The following PRKAR1B variants were observed in gnomAD, a reference collection of about 807,000 sequenced individuals.
PRKAR1B encodes the protein protein kinase cAMP-dependent type I regulatory subunit beta.
Under a neutral mutation model 46.5 loss-of-function variants are expected in PRKAR1B, and 22 were observed. The ratio of observed to expected loss-of-function variants is 0.47; its 90% confidence interval spans 0.34 to 0.68. The LOEUF is 0.68. Among genes scored for constraint, PRKAR1B ranks in the 30% least tolerant of loss-of-function variants. PRKAR1B has a pLI of 0.01. For missense variants in PRKAR1B, 445 were observed against 535.6 expected (o/e 0.83, Z 1.67); for synonymous variants, 259 against 217.7 (o/e 1.19, Z -1.67).
intron 4 of PRKAR1B, among the ~76,000 whole-genome samples, chr7:626,522 A>C (rs1352056521): frequency 6.6e-6 from 1 of 152,132 alleles, no homozygotes; most frequent in Non-Finnish European, 1.5e-5. Context: ...AAATAAAAAC[A>C]AAAAAGGACT....
chr7:685,280 GTATATATA>G lies in PRKAR1B; in HGVS notation c.178-4562_178-4555del, dbSNP rs1296511626. Among the ~76,000 whole-genome samples the G allele has an allele frequency of 6.4e-4, 11 of 17,258 alleles. No individual in the cohort carries two copies. The South Asian group carries it at 0.011, about 17-fold the overall frequency. 11.3% of individuals were successfully genotyped at this position (17,258 alleles called of 152,430 possible). A position where few individuals can be genotyped will look rare whatever the true frequency, so the allele number is the denominator to read the frequency against. ...TATATACATATATACGTATATATAC[GTATATATA>G]TGTATACATATATATATACGTATAT... On this transcript the variant is annotated intron_variant, in intron 2 of 10. Transcript: ENST00000537384.
intron 4 of PRKAR1B, among the ~76,000 whole-genome samples, chr7:643,908 C>A (rs1017550684): frequency 6.6e-6 from 1 of 152,120 alleles, no homozygotes; most frequent in African/African-American, 2.4e-5. Flanking sequence ...CAGCCACTCC[C>A]GTCGCCCCAA....
chr7:719,747 G>A (rs2128534404), intron 1 of PRKAR1B, among the ~76,000 whole-genome samples: 1 of 152,220 alleles, frequency 6.6e-6, no homozygotes, highest in South Asian at 2.1e-4. Flanking sequence ...TACTGTACCA[G>A]CTCCACAAGG....
intron 4 of PRKAR1B, among the ~76,000 whole-genome samples, chr7:669,989 C>T (rs1053481005): frequency 4.6e-5 from 7 of 150,860 alleles, no homozygotes; most frequent in Non-Finnish European, 1.0e-4. Context: ...CCTCAGCCTC[C>T]TTAGCAGCTG....
intron 2 of PRKAR1B, among the ~76,000 whole-genome samples, chr7:697,948 GAGGGAAGGGAAGGGAAGGA>G (rs1383378934): frequency 4.7e-4 from 44 of 93,326 alleles, no homozygotes; most frequent in African/African-American, 7.0e-4. Context: ...GAAGGGACGG[GAGGGAAGGGAAGGGAAGGA>G]AGGGAAGGGA....
intron 4 of PRKAR1B, among the ~76,000 whole-genome samples, chr7:669,892 G>T (rs1786136265): frequency 8.8e-6 from 1 of 114,048 alleles, no homozygotes; most frequent in Non-Finnish European, 1.9e-5. Context: ...TTGAGACGGA[G>T]TCTTGCTCTG....
rs559011757 is a variant in PRKAR1B at position 702,328 on chromosome 7, T to C, written c.177+9001A>G. Among the ~76,000 whole-genome samples the C allele has an allele frequency of 7.3e-5, 11 of 151,188 alleles. No homozygotes were observed. In the East Asian group the frequency reaches 1.4e-3, roughly 19 times the overall value. ...TAGGAAAAAAAACAGAGAAAACAAA[T>C]AGAAAAATAATTAAATGGTAGACCT... On this transcript the variant is annotated intron_variant, in intron 2 of 10. Coordinates refer to ENST00000537384, the MANE Select transcript of PRKAR1B (RefSeq NM_001164760.2).
At chr7:658,444 C>T (rs1785325302) in intron 4 of PRKAR1B, among the ~76,000 whole-genome samples, 1 of 152,006 alleles carries the variant, frequency 6.6e-6, no homozygotes, top group African/African-American at 2.4e-5. Context: ...CAGAAAAAAA[C>T]AAAGTTAGCA....
intron 6 of PRKAR1B, among the ~76,000 whole-genome samples, chr7:605,350 G>A (rs532773006): frequency 1.3e-5 from 2 of 152,260 alleles, no homozygotes; most frequent in East Asian, 1.9e-4. Context: ...GCTGCCGTGC[G>A]GGGGGCGGCC....
chr7:632,730 C>T (rs1007924522), intron 4 of PRKAR1B, among the ~76,000 whole-genome samples: 18 of 152,228 alleles, frequency 1.2e-4, no homozygotes, highest in Admixed American at 9.8e-4. Context: ...GCACTCTCTA[C>T]CGGATGTTCC....
intron 4 of PRKAR1B, among the ~76,000 whole-genome samples, chr7:663,790 C>A (rs1247581181): frequency 6.6e-6 from 1 of 152,118 alleles, no homozygotes. Flanking sequence ...AGACAGCACA[C>A]TCACAGCTCT....
At position 560,420 on chromosome 7, in the gene PRKAR1B, G is replaced by A. The variant is rs1013179588; in HGVS notation, c.892-8950C>T. Among the ~76,000 whole-genome samples, 42 of 151,464 alleles carry A rather than the reference G, an allele frequency of 2.8e-4. No individual in the cohort carries two copies. The highest frequency in any genetic ancestry group is 8.5e-4 in the African/African-American group (35 of 41,262). ...TATTTTAAAAGAAACTTTGTATCAC[G>A]ACCATAAATGGAAACTGCTATCACT... On this transcript the variant is annotated intron_variant, in intron 9 of 10. Transcript: ENST00000537384. This position sits in a 1 kb window ranked among gnomAD's most constrained non-coding sequence, Gnocchi z 4.2.
At chr7:564,199 C>T (rs1487941048) in intron 9 of PRKAR1B, among the ~76,000 whole-genome samples, 7 of 152,166 alleles carry the variant, frequency 4.6e-5, no homozygotes, top group Non-Finnish European at 5.9e-5. Context: ...AGAGCTGTGG[C>T]TCCTGGACAC....
chr7:578,038 G>A (rs574000174), intron 9 of PRKAR1B, among the ~76,000 whole-genome samples: 72 of 152,364 alleles, frequency 4.7e-4, no homozygotes, highest in African/African-American at 1.5e-3. Context: ...GGAAAGGGGC[G>A]GGAGCGCCCG....
In PRKAR1B at chr7:714,818, A is replaced by G. The variant is rs1374452096; in HGVS notation, c.-22-3291T>C. On this transcript the variant is annotated intron_variant, in intron 1 of 10. Transcript: ENST00000537384. The surrounding 1 kb of genome is among the most constrained non-coding windows in gnomAD (Gnocchi z 4.3). Reference sequence around the variant, plus strand: ...AGTGGGAAGAAACAGGATCCTAGAGAAATGGAGCCACGGCCGTCCTCAAAC... The same window carrying G: ...AGTGGGAAGAAACAGGATCCTAGAGGAATGGAGCCACGGCCGTCCTCAAAC... Among the ~76,000 whole-genome samples the G allele has an allele frequency of 6.6e-6, 1 of 152,236 alleles. No individual in the cohort carries two copies. The highest frequency in any genetic ancestry group is 2.4e-5 in the African/African-American group (1 of 41,450).
rs187979843 is a variant in PRKAR1B, at chr7:707,413, C to A, written c.177+3916G>T. On this transcript the variant is annotated intron_variant, in intron 2 of 10. Coordinates refer to ENST00000537384, the MANE Select transcript of PRKAR1B (RefSeq NM_001164760.2). ...ACAAAAATGGAATTGTACCATAGAT[C>A]CTGTCTTGCAACCTGCTATTTTCAC... Among the ~76,000 whole-genome samples the A allele has an allele frequency of 4.8e-3, 738 of 152,248 alleles. 5 individuals carry two copies. The highest frequency in any genetic ancestry group is 0.025 in the South Asian group (120 of 4,828).
intron 4 of PRKAR1B, among the ~76,000 whole-genome samples, chr7:613,741 C>A (rs1181315237): frequency 6.6e-6 from 1 of 152,248 alleles, no homozygotes; most frequent in Non-Finnish European, 1.5e-5. Context: ...TGGAAAACAC[C>A]ATCAGCTCCT....
In PRKAR1B at chr7:593,948, G is replaced by A. The variant is rs956443400; in HGVS notation, c.708+2198C>T. Among the ~76,000 whole-genome samples the A allele has an allele frequency of 3.9e-5, 6 of 152,182 alleles. No homozygotes were observed. The highest frequency in any genetic ancestry group is 7.2e-5 in the African/African-American group (3 of 41,434). Reference sequence around the variant, plus strand: ...GCGCCATCCACAAAACACAAGAGCCGGCATCGCCGTGGGGCCGGGACAGGC... The same window carrying A: ...GCGCCATCCACAAAACACAAGAGCCAGCATCGCCGTGGGGCCGGGACAGGC... On this transcript the variant is annotated intron_variant, in intron 7 of 10. Transcript: ENST00000537384. The surrounding 1 kb of genome is among the most constrained non-coding windows in gnomAD (Gnocchi z 6.1).
intron 4 of PRKAR1B, among the ~76,000 whole-genome samples, chr7:641,187 C>CGACCTT (rs938717699): frequency 6.6e-6 from 1 of 152,008 alleles, no homozygotes; most frequent in Non-Finnish European, 1.5e-5. Flanking sequence ...CTCCCGACCT[C>CGACCTT]ATGATCCGCC....
Sources: allele counts gnomAD v4.1 joint callset (sites outside exome capture counted in the v4.1 genomes callset), GRCh38; gene constraint gnomAD v4.1.1; non-coding constraint Gnocchi (gnomAD v3.1); transcripts MANE v1.5; gene names NCBI Gene and HGNC (gene_info 2026-07-23, HGNC 2026-07-21).